GABRA2: variants seen among roughly 807,000 people sequenced by gnomAD.
GABRA2 encodes the protein gamma-aminobutyric acid type A receptor subunit alpha2.
A neutral mutation model predicts 48.7 loss-of-function variants in GABRA2; 16 were observed. That is an observed-to-expected ratio of 0.33 (90% CI 0.22 to 0.50). The LOEUF (loss-of-function observed/expected upper bound fraction) is 0.50. GABRA2 is among the 20% of genes least tolerant of loss of function. The pLI, the probability that GABRA2 is intolerant of heterozygous loss-of-function variation, is 0.98. For missense variants in GABRA2, 275 were observed against 535.6 expected, an observed-to-expected ratio of 0.51 and a Z score of 4.80; for synonymous variants, 185 against 184.5, an observed-to-expected ratio of 1.00 and a Z score of -0.02.
chr4:46,259,741 G>T (rs1473380217), intron 9 of GABRA2, among the ~76,000 whole-genome samples: 1 of 151,692 alleles, frequency 6.6e-6, no homozygotes, highest in Non-Finnish European at 1.5e-5. Context: ...ACTTCCATAA[G>T]CCTGGTTAGT....
intron 3 of GABRA2, among the ~76,000 whole-genome samples, chr4:46,352,782 A>G (rs1235037322): frequency 1.3e-5 from 2 of 152,088 alleles, no homozygotes; most frequent in Non-Finnish European, 2.9e-5. Context: ...GCAATCAAGA[A>G]GGATGTGAGC....
intron 3 of GABRA2, among the ~76,000 whole-genome samples, chr4:46,351,031 CT>C (rs1464697643): frequency 6.6e-6 from 1 of 151,802 alleles, no homozygotes; most frequent in Admixed American, 6.6e-5. Context: ...ATGCATATGT[CT>C]TTTTGTTAAT....
intron 3 of GABRA2, among the ~76,000 whole-genome samples, chr4:46,362,030 G>A (rs757774256): frequency 6.6e-6 from 1 of 152,184 alleles, no homozygotes; most frequent in Non-Finnish European, 1.5e-5. Context: ...AATTGACTTA[G>A]CATGTCTCGG....
At chr4:46,298,125 T>G (rs1035353905) in intron 8 of GABRA2, among the ~76,000 whole-genome samples, 1 of 152,130 alleles carries the variant, frequency 6.6e-6, no homozygotes, top group Non-Finnish European at 1.5e-5. Flanking sequence ...CTTCTAAAAT[T>G]TATTGAGAAT....
intron 4 of GABRA2, among the ~76,000 whole-genome samples, chr4:46,325,589 T>C (rs1578056385): frequency 6.6e-6 from 1 of 152,104 alleles, no homozygotes; most frequent in African/African-American, 2.4e-5. Flanking sequence ...GTTAGGTCCC[T>C]GTCGTCTATT....
At chr4:46,278,805 G>A (rs1357190019) in intron 8 of GABRA2, among the ~76,000 whole-genome samples, 1 of 151,876 alleles carries the variant, frequency 6.6e-6, no homozygotes. Flanking sequence ...GGAGGAAAAA[G>A]GAATGTTCCA....
At chr4:46,297,425 C>T (rs1724926440) in intron 8 of GABRA2, among the ~76,000 whole-genome samples, 1 of 136,798 alleles carries the variant, frequency 7.3e-6, no homozygotes, top group Non-Finnish European at 1.5e-5. Context: ...TTGCAGTTGG[C>T]CTATTGTGGG....
At chr4:46,271,445 ACC>A in intron 8 of GABRA2, among the ~76,000 whole-genome samples, 1 of 151,876 alleles carries the variant, frequency 6.6e-6, no homozygotes, top group East Asian at 1.9e-4. Flanking sequence ...TTTGTTAAAT[ACC>A]CTATCCCCCA....
intron 9 of GABRA2, among the ~76,000 whole-genome samples, chr4:46,259,297 C>T (rs1716480109): frequency 6.6e-6 from 1 of 151,766 alleles, no homozygotes; most frequent in Admixed American, 6.6e-5. Context: ...AAAGGCATAA[C>T]AATTCAGAGT....
chr4:46,282,399 T>C (rs564447363), intron 8 of GABRA2, among the ~76,000 whole-genome samples: 4 of 152,208 alleles, frequency 2.6e-5, no homozygotes, highest in African/African-American at 7.2e-5. Context: ...GTGTTTCTTG[T>C]GCATACTTAG....
intron 3 of GABRA2, among the ~76,000 whole-genome samples, chr4:46,359,741 C>T (rs1712851401): frequency 6.6e-6 from 1 of 151,930 alleles, no homozygotes; most frequent in African/African-American, 2.4e-5. Flanking sequence ...CACGGTGAAA[C>T]CCTGTCTCTA....
chr4:46,289,906 TA>T (rs1723270445), intron 8 of GABRA2, among the ~76,000 whole-genome samples: 1 of 146,252 alleles, frequency 6.8e-6, no homozygotes, highest in Non-Finnish European at 1.5e-5. Context: ...TTTATTTATT[TA>T]TTTTTATTTT....
chr4:46,334,152 T>C (rs1306364240), intron 3 of GABRA2, among the ~76,000 whole-genome samples: 1 of 152,152 alleles, frequency 6.6e-6, no homozygotes, highest in African/African-American at 2.4e-5. Context: ...CAGGAGCAGC[T>C]TTCTGTGTAT....
intron 8 of GABRA2, among the ~76,000 whole-genome samples, chr4:46,274,041 G>C (rs1262027697): frequency 6.6e-6 from 1 of 152,024 alleles, no homozygotes; most frequent in Non-Finnish European, 1.5e-5. Context: ...GTCTTGATTT[G>C]ACACACCCAG....
Position 46,365,660 on chromosome 4 carries a change from G to A in GABRA2, c.187+20414C>T, listed in dbSNP as rs1462173151. The A allele has an allele frequency of 2.0e-5, 3 of 152,030 alleles. No individual in the cohort carries two copies. The East Asian group carries it at 5.8e-4, about 29-fold the overall frequency. The allele number at this position is 152,030 out of a possible 1,614,324, so 9.4% of individuals were successfully genotyped here. On this transcript the variant is annotated intron_variant, in intron 3 of 9. Coordinates refer to ENST00000381620, the MANE Select transcript of GABRA2 (RefSeq NM_000807.4). Reference sequence around the variant, plus strand: ...TTAGTTATTTTATACTTATTTTACTGATGAAGAAACTGAGGTTTAGAGAAG... The same window carrying A: ...TTAGTTATTTTATACTTATTTTACTAATGAAGAAACTGAGGTTTAGAGAAG...
chr4:46,331,337 A>G (rs890657964), intron 4 of GABRA2, among the ~76,000 whole-genome samples: 2 of 152,192 alleles, frequency 1.3e-5, no homozygotes, highest in African/African-American at 4.8e-5. Flanking sequence ...AAGATAAGAA[A>G]TCTCTGAGGT....
intron 4 of GABRA2, among the ~76,000 whole-genome samples, chr4:46,313,567 TTCTCTCTC>T (rs3068364): frequency 1.4e-5 from 2 of 145,642 alleles, no homozygotes; most frequent in Non-Finnish European, 3.0e-5. Context: ...GAAACTCTGT[TTCTCTCTC>T]TCTCTCTCTC....
intron 3 of GABRA2, among the ~76,000 whole-genome samples, chr4:46,353,659 T>C (rs1486522979): frequency 2.0e-5 from 3 of 152,138 alleles, no homozygotes; most frequent in African/African-American, 7.2e-5. Context: ...ATGCTATTTT[T>C]TTCAGTCATC....
intron 3 of GABRA2, among the ~76,000 whole-genome samples, chr4:46,373,903 C>T (rs769714216): frequency 3.3e-5 from 5 of 152,142 alleles, no homozygotes; most frequent in Non-Finnish European, 7.4e-5. Flanking sequence ...TCTATCCTCC[C>T]ATACTCCCCC....
Sources: gnomAD v4.1 joint callset for allele counts (sites outside exome capture counted in the v4.1 genomes callset) on GRCh38, gnomAD v4.1.1 for gene constraint, MANE v1.5 for transcripts, NCBI Gene and HGNC (gene_info 2026-07-23, HGNC 2026-07-21) for gene names.